The following PITPNM2 variants were observed in gnomAD, a reference collection of about 807,000 sequenced individuals.
PITPNM2 encodes phosphatidylinositol transfer protein membrane associated 2, also known as membrane-associated phosphatidylinositol transfer protein 2.
In PITPNM2, 35 loss-of-function variants were observed where a neutral mutation model predicts 132.2. The observed-to-expected ratio is 0.26, with a 90% CI of 0.20 to 0.35. The LOEUF (loss-of-function observed/expected upper bound fraction) is 0.35, where lower values mean the gene tolerates loss of function less well. PITPNM2 is among the 10% of genes least tolerant of loss of function. PITPNM2 has a pLI of 1.00. For synonymous variants in PITPNM2, 738 were observed against 799.2 expected, an observed-to-expected ratio of 0.92 and a Z score of 1.29; for missense variants, 1,332 against 1,912.0, an observed-to-expected ratio of 0.70 and a Z score of 5.66.
intron 2 of PITPNM2, among the ~76,000 whole-genome samples, chr12:123,050,372 G>C (rs2040819026): frequency 6.6e-6 from 1 of 152,158 alleles, no homozygotes; most frequent in African/African-American, 2.4e-5. Flanking sequence ...AGCAGTCAGG[G>C]CAAGATGGGA....
intron 1 of PITPNM2, among the ~76,000 whole-genome samples, chr12:123,134,870 A>G (rs963165852): frequency 2.0e-5 from 3 of 152,206 alleles, no homozygotes; most frequent in Admixed American, 6.5e-5. Flanking sequence ...TCTGTACAAC[A>G]GAGCTGACTA....
intron 2 of PITPNM2, among the ~76,000 whole-genome samples, chr12:123,047,566 A>G (rs1592971639): frequency 6.6e-6 from 1 of 152,136 alleles, no homozygotes; most frequent in African/African-American, 2.4e-5. Context: ...TGTCATCCCA[A>G]TGCCAACCCC....
Position 123,070,604 on chromosome 12 carries a change from A to G in PITPNM2, c.-95-35919T>C, listed in dbSNP as rs372421595. Among the ~76,000 whole-genome samples, 15 of 152,320 alleles carry G rather than the reference A, an allele frequency of 9.8e-5. No individual in the cohort carries two copies. The East Asian group carries it at 2.3e-3, about 24-fold the overall frequency. The stretch of plus-strand genomic sequence containing the variant: ...CCTCCCAGCTCCACTGGCTGCCCTG[A>G]GGAGCAGAGCTGCCCATGGGATGGG... On this transcript the variant is annotated intron_variant, in intron 2 of 25. Coordinates refer to ENST00000320201, the MANE Select transcript of PITPNM2 (RefSeq NM_020845.3).
chr12:123,003,796 T>G (rs2038798870), intron 8 of PITPNM2, among the ~76,000 whole-genome samples: 3 of 152,202 alleles, frequency 2.0e-5, no homozygotes, highest in Non-Finnish European at 4.4e-5. Context: ...CCCCTACACC[T>G]GCTGGCCCCT....
chr12:123,025,167 C>T (rs2039812729), intron 3 of PITPNM2, among the ~76,000 whole-genome samples: 1 of 152,200 alleles, frequency 6.6e-6, no homozygotes, highest in Admixed American at 6.5e-5. Flanking sequence ...ACATGATGGG[C>T]TAGCCAAGGG....
At chr12:123,148,052 G>A (rs896967201) in intron 1 of PITPNM2, among the ~76,000 whole-genome samples, 1 of 152,270 alleles carries the variant, frequency 6.6e-6, no homozygotes, top group African/African-American at 2.4e-5. Flanking sequence ...CCTTTAGAAA[G>A]GGGAAAATGC....
intron 3 of PITPNM2, chr12:123,021,608 C>T (rs2039674041): frequency 2.0e-5 from 18 of 915,304 alleles, no homozygotes; most frequent in Non-Finnish European, 2.2e-5. Flanking sequence ...AGCCCCACTG[C>T]GGTGTCAGGT....
intron 22 of PITPNM2, 24 bp downstream of exon 22, chr12:122,987,487 C>T (rs758688785): frequency 1.1e-5 from 17 of 1,610,810 alleles, no homozygotes; most frequent in East Asian, 2.2e-5. Flanking sequence ...CTGCCTATCC[C>T]GCCCTCCCAG....
At chr12:123,073,281 A>C (rs185005453) in intron 2 of PITPNM2, among the ~76,000 whole-genome samples, 2 of 152,268 alleles carry the variant, frequency 1.3e-5, no homozygotes, top group Non-Finnish European at 2.9e-5. Flanking sequence ...TCCCCTCTAC[A>C]CTACCCAAAA....
intron 16 of PITPNM2, among the ~76,000 whole-genome samples, chr12:122,991,026 G>A (rs1031244430): frequency 1.3e-5 from 2 of 152,188 alleles, no homozygotes; most frequent in Non-Finnish European, 2.9e-5. Flanking sequence ...GTGGCTCCAG[G>A]GCCTCCAGAG....
At chr12:123,052,085 T>TG (rs1163087906) in intron 2 of PITPNM2, among the ~76,000 whole-genome samples, 72 of 147,728 alleles carry the variant, frequency 4.9e-4, no homozygotes, top group Non-Finnish European at 9.1e-4. Flanking sequence ...TTGTTTTTTT[T>TG]TTTTTTTTTT....
Position 123,005,662 on chromosome 12 carries a change from AG to A in PITPNM2, c.644-115del. On this transcript the variant is annotated intron_variant, in intron 6 of 25. Coordinates refer to ENST00000320201, the MANE Select transcript of PITPNM2 (RefSeq NM_020845.3). This position sits in a 1 kb window ranked among gnomAD's most constrained non-coding sequence, Gnocchi z 6.2. ...CTTTGGGAGGCTGTACCCATGTTGC[AG>A]GTCAAACTAAAGTCACTGCCTGTCT... is the stretch of plus-strand genomic sequence containing the variant. 1 of 1,042,022 alleles carries A rather than the reference AG, an allele frequency of 9.6e-7. No individual in the cohort carries two copies. The highest frequency in any genetic ancestry group is 1.5e-5 in the South Asian group (1 of 65,156). The allele number at this position is 1,042,022 out of a possible 1,614,324, so 64.5% of individuals were successfully genotyped here. A position where few individuals can be genotyped will look rare whatever the true frequency, so the allele number is the denominator to read the frequency against.
In PITPNM2 at chr12:122,987,366, A is replaced by G; in HGVS notation, c.3328T>C (p.Phe1110Leu). Residue 1110 changes from phenylalanine (F) to leucine (L), a missense_variant, in exon 23 of 26, where the codon TTC becomes CTC. Transcript: ENST00000320201. Reference protein sequence around the residue: ...VLPKGTEFVVFSIDGSFAASV... With the variant: ...VLPKGTEFVVLSIDGSFAASV... ...GCGGCAAAGGAACCGTCGATGCTGA[A>G]GACCACGAACTCTGTGCCCTTGGGC... 6.2e-7 allele frequency: 1 copy of G among 1,613,510 alleles called. No homozygotes were observed. The highest frequency in any genetic ancestry group is 8.5e-7 in the Non-Finnish European group (1 of 1,180,030).
At chr12:123,028,390 T>C (rs1456637066) in intron 3 of PITPNM2, among the ~76,000 whole-genome samples, 1 of 152,174 alleles carries the variant, frequency 6.6e-6, no homozygotes, top group Non-Finnish European at 1.5e-5. Flanking sequence ...GGCTGGCAAG[T>C]GGCAGAAGTG....
At chr12:123,125,930 C>T (rs1453045286) in intron 1 of PITPNM2, among the ~76,000 whole-genome samples, 1 of 105,336 alleles carries the variant, frequency 9.5e-6, no homozygotes, top group Non-Finnish European at 1.7e-5. Flanking sequence ...AGCGCAGTGG[C>T]GTGATCTCGG....
intron 1 of PITPNM2, among the ~76,000 whole-genome samples, chr12:123,133,251 A>G (rs921933576): frequency 1.3e-5 from 2 of 152,246 alleles, no homozygotes; most frequent in Non-Finnish European, 2.9e-5. Flanking sequence ...GGCAGGGAAG[A>G]GGCAAGTCCC....
chr12:123,009,938 G>A lies in PITPNM2; in HGVS notation c.555C>T (p.Phe185=), dbSNP rs2039111372. Residue 185 remains phenylalanine (F), a synonymous_variant, in exon 6 of 26, where the codon TTC becomes TTT. Transcript: ENST00000320201. This position sits in a 1 kb window ranked among gnomAD's most constrained non-coding sequence, Gnocchi z 4.8. ...AGAGCTTGTATGCGCACATGATGGG[G>A]AAGACCTGCTTCTTGTACTCCTCGA... ...NWIEEYKKQV[F]PIMCAYKLCK... 6.2e-7 allele frequency: 1 copy of A among 1,614,212 alleles called. No individual in the cohort carries two copies. The highest frequency in any genetic ancestry group is 8.5e-7 in the Non-Finnish European group (1 of 1,180,044).
intron 3 of PITPNM2, among the ~76,000 whole-genome samples, chr12:123,015,485 A>T (rs1373594665): frequency 6.6e-6 from 1 of 152,230 alleles, no homozygotes; most frequent in Admixed American, 6.5e-5. Flanking sequence ...GGACAATTGA[A>T]TAACAACATG....
intron 10 of PITPNM2, among the ~76,000 whole-genome samples, chr12:122,998,234 T>C (rs988375153): frequency 7.9e-5 from 12 of 152,214 alleles, no homozygotes; most frequent in African/African-American, 2.9e-4. Context: ...AGAGGTGTCC[T>C]GGTGGGGACG....
Sources: gnomAD v4.1 joint callset for allele counts (sites outside exome capture counted in the v4.1 genomes callset) on GRCh38, gnomAD v4.1.1 for gene constraint, Gnocchi (gnomAD v3.1) non-coding constraint, MANE v1.5 for transcripts, NCBI Gene and HGNC (gene_info 2026-07-23, HGNC 2026-07-21) for gene names.